The following CYP7B1 variants were observed in gnomAD, a reference collection of about 807,000 sequenced individuals.
The protein encoded by CYP7B1 is cytochrome P450 7B1.
CYP7B1 carries 29 observed loss-of-function variants against 42.7 expected under a neutral mutation model. That is an observed-to-expected ratio of 0.68 (90% CI 0.51 to 0.93). The LOEUF is 0.93. CYP7B1 is among the 40% of genes least tolerant of loss of function. CYP7B1 has a pLI of 0.00. For missense variants in CYP7B1, 655 were observed against 600.5 expected, an observed-to-expected ratio of 1.09 and a Z score of -0.95; for synonymous variants, 235 against 218.2, an observed-to-expected ratio of 1.08 and a Z score of -0.68.
At chr8:64,684,001 A>G (rs1806582260) in intron 1 of CYP7B1, among the ~76,000 whole-genome samples, 1 of 152,010 alleles carries the variant, frequency 6.6e-6, no homozygotes, top group South Asian at 2.1e-4. Context: ...TTACCCCATC[A>G]CACTCTCTCC....
chr8:64,724,244 A>T (rs1807288333), intron 1 of CYP7B1, among the ~76,000 whole-genome samples: 1 of 151,862 alleles, frequency 6.6e-6, no homozygotes, highest in Admixed American at 6.6e-5. Flanking sequence ...GGTTCAAGAG[A>T]TTCTCCTAAC....
chr8:64,785,767 T>C (rs1804515992), intron 1 of CYP7B1, among the ~76,000 whole-genome samples: 1 of 152,172 alleles, frequency 6.6e-6, no homozygotes, highest in African/African-American at 2.4e-5. Flanking sequence ...CTATTCTGTA[T>C]GATACTGTAA....
At chr8:64,692,138 G>A (rs540846989) in intron 1 of CYP7B1, among the ~76,000 whole-genome samples, 39 of 152,260 alleles carry the variant, frequency 2.6e-4, no homozygotes, top group African/African-American at 8.7e-4. Flanking sequence ...ATCCACTGTC[G>A]ATTGCTCTGA....
chr8:64,689,289 G>A (rs954446947), intron 1 of CYP7B1, among the ~76,000 whole-genome samples: 2 of 152,172 alleles, frequency 1.3e-5, no homozygotes, highest in South Asian at 2.1e-4. Context: ...AGAGGGAAGG[G>A]TCATATTAAC....
intron 1 of CYP7B1, among the ~76,000 whole-genome samples, chr8:64,695,403 G>A (rs1214357702): frequency 6.6e-6 from 1 of 152,102 alleles, no homozygotes; most frequent in African/African-American, 2.4e-5. Context: ...GAGGGAGAAG[G>A]AGGACATGTT....
intron 1 of CYP7B1, among the ~76,000 whole-genome samples, chr8:64,704,310 C>T (rs34795043): frequency 0.044 from 6,742 of 152,046 alleles, 209 homozygotes; most frequent in Non-Finnish European, 0.068. Context: ...ACCTGGCATT[C>T]CAGGATACTC....
intron 1 of CYP7B1, among the ~76,000 whole-genome samples, chr8:64,794,073 AG>A (rs1444044856): frequency 6.6e-6 from 1 of 152,222 alleles, no homozygotes; most frequent in East Asian, 1.9e-4. Flanking sequence ...AGTGAGGTCC[AG>A]GGGTGGACAG....
chr8:64,770,410 A>C (rs1804202780), intron 1 of CYP7B1, among the ~76,000 whole-genome samples: 1 of 152,208 alleles, frequency 6.6e-6, no homozygotes, highest in Admixed American at 6.5e-5. Context: ...ATATGATGGA[A>C]ATGGAACTCA....
At position 64,619,988 on chromosome 8, in the gene CYP7B1, C is replaced by T. The variant is rs1475975764; in HGVS notation, c.260-3707G>A. 2.0e-5 allele frequency among the ~76,000 whole-genome samples: 3 copies of T among 151,970 alleles called. No individual in the cohort carries two copies. In the East Asian group the frequency reaches 5.8e-4, roughly 29 times the overall value. On this transcript the variant is annotated intron_variant, in intron 2 of 5. Transcript: ENST00000310193. ...TTTGAGGCCAGGAGTTCAAGACCAA[C>T]CTGGGCAACATAGGGAGACCCCACC...
chr8:64,712,403 T>C (rs1428822161), intron 1 of CYP7B1, among the ~76,000 whole-genome samples: 1 of 152,042 alleles, frequency 6.6e-6, no homozygotes, highest in Non-Finnish European at 1.5e-5. Context: ...ATTAACTCAA[T>C]GCTAGAACCA....
chr8:64,656,312 T>C (rs1233935346), intron 1 of CYP7B1, among the ~76,000 whole-genome samples: 1 of 152,198 alleles, frequency 6.6e-6, no homozygotes, highest in Non-Finnish European at 1.5e-5. Flanking sequence ...AAGCCCAAAG[T>C]CTGTTCTCTT....
chr8:64,768,553 CAT>C (rs763363041), intron 1 of CYP7B1, among the ~76,000 whole-genome samples: 6 of 152,172 alleles, frequency 3.9e-5, no homozygotes, highest in Non-Finnish European at 8.8e-5. Context: ...GAGTTATTCA[CAT>C]ATGAGAGAAA....
intron 4 of CYP7B1, among the ~76,000 whole-genome samples, chr8:64,611,187 C>T (rs959336255): frequency 1.3e-5 from 2 of 152,034 alleles, no homozygotes; most frequent in Non-Finnish European, 2.9e-5. Context: ...ATCTCAAGGG[C>T]TCTGGTATCA....
rs748480664 is a variant in CYP7B1, at chr8:64,616,148, A to AT, written c.392dup (p.Asn131LysfsTer3). 9.9e-6 allele frequency: 16 copies of AT among 1,613,418 alleles called. No homozygotes were observed. The highest frequency in any genetic ancestry group is 2.2e-5 in the East Asian group (1 of 44,866). On this transcript the variant is annotated frameshift_variant, in exon 3 of 6. Transcript: ENST00000310193. LOFTEE classifies it high-confidence loss of function. Reference sequence around the variant, plus strand: ...GGTGAAGCTCATCATTCATGTCATGATTTTTTTGCAACTGACTGATGCTAA... The same window carrying AT: ...GGTGAAGCTCATCATTCATGTCATGATTTTTTTTGCAACTGACTGATGCTAA...
chr8:64,791,486 G>A (rs569738823), intron 1 of CYP7B1, among the ~76,000 whole-genome samples: 20 of 152,292 alleles, frequency 1.3e-4, no homozygotes, highest in African/African-American at 4.1e-4. Flanking sequence ...AAATGTCAGC[G>A]TAGGAGAGAG....
At chr8:64,637,034 T>G (rs1805784081) in intron 1 of CYP7B1, among the ~76,000 whole-genome samples, 1 of 152,198 alleles carries the variant, frequency 6.6e-6, no homozygotes, top group Non-Finnish European at 1.5e-5. Context: ...AACCCACAGT[T>G]TTGTGGAAAC....
At chr8:64,783,384 C>G (rs1186132345) in intron 1 of CYP7B1, among the ~76,000 whole-genome samples, 1 of 152,122 alleles carries the variant, frequency 6.6e-6, no homozygotes, top group Non-Finnish European at 1.5e-5. Context: ...ACCTTAACAT[C>G]TCAGAACTCA....
intron 1 of CYP7B1, among the ~76,000 whole-genome samples, chr8:64,766,139 G>A (rs1216564638): frequency 1.3e-5 from 2 of 152,118 alleles, no homozygotes; most frequent in South Asian, 2.1e-4. Flanking sequence ...TCACTGGGAC[G>A]CAGAATCAGA....
chr8:64,738,389 C>A (rs912325891), intron 1 of CYP7B1, among the ~76,000 whole-genome samples: 1 of 152,150 alleles, frequency 6.6e-6, no homozygotes, highest in Non-Finnish European at 1.5e-5. Context: ...AAAGAAACTA[C>A]TAGCTCAGCA....
Sources: gnomAD v4.1 joint callset for allele counts (sites outside exome capture counted in the v4.1 genomes callset) on GRCh38, gnomAD v4.1.1 for gene constraint, MANE v1.5 for transcripts, NCBI Gene and HGNC (gene_info 2026-07-23, HGNC 2026-07-21) for gene names.